TNFSF4: variants seen among roughly 807,000 people sequenced by gnomAD.
TNFSF4 encodes the protein TNF superfamily member 4, also known as tumor necrosis factor ligand superfamily member 4.
A neutral mutation model predicts 7.3 loss-of-function variants in TNFSF4; 4 were observed. The ratio of observed to expected loss-of-function variants is 0.55; its 90% CI spans 0.27 to 1.25. The LOEUF (loss-of-function observed/expected upper bound fraction) is 1.25, where lower values mean the gene tolerates loss of function less well. TNFSF4 is among the 50% of genes most tolerant of loss of function. TNFSF4 has a pLI of 0.12. For missense variants in TNFSF4, 181 were observed against 208.8 expected (o/e 0.87, Z 0.82); for synonymous variants, 76 against 83.7 (o/e 0.91, Z 0.50).
At chr1:173,286,216 C>A in the TNFSF4 span, among the ~76,000 whole-genome samples, 1 of 152,068 alleles carries the variant, frequency 6.6e-6, no homozygotes, top group Non-Finnish European at 1.5e-5. Flanking sequence ...CTTAAGAACC[C>A]AGCTAAGATT....
At chr1:173,381,267 G>A in the TNFSF4 span, among the ~76,000 whole-genome samples, 1 of 152,134 alleles carries the variant, frequency 6.6e-6, no homozygotes, top group Admixed American at 6.5e-5. Flanking sequence ...TGAGAAAGGA[G>A]GACTCTGCAC....
the TNFSF4 span, among the ~76,000 whole-genome samples, chr1:173,241,294 C>A: frequency 3.9e-5 from 6 of 152,328 alleles, no homozygotes; most frequent in South Asian, 1.2e-3. Flanking sequence ...TCTCTGTCCT[C>A]TGCCACATTT....
the TNFSF4 span, among the ~76,000 whole-genome samples, chr1:173,420,028 T>C: frequency 1.3e-5 from 2 of 152,184 alleles, no homozygotes; most frequent in African/African-American, 4.8e-5. Flanking sequence ...TAACGCATGT[T>C]TATTGAGTGA....
chr1:173,409,978 T>TA, the TNFSF4 span, among the ~76,000 whole-genome samples: 2 of 152,162 alleles, frequency 1.3e-5, no homozygotes, highest in Non-Finnish European at 2.9e-5. Flanking sequence ...TTAAATTTTT[T>TA]AAAAAACCAG....
chr1:173,177,372 C>T, the TNFSF4 span, among the ~76,000 whole-genome samples: 2 of 151,880 alleles, frequency 1.3e-5, no homozygotes, highest in African/African-American at 4.8e-5. Context: ...TGTTCTTACT[C>T]ATAAGTGGGA....
At chr1:173,449,661 G>A in the TNFSF4 span, among the ~76,000 whole-genome samples, 1 of 152,032 alleles carries the variant, frequency 6.6e-6, no homozygotes, top group East Asian at 1.9e-4. Flanking sequence ...TTATAACAAT[G>A]CAAGCACGGA....
the TNFSF4 span, among the ~76,000 whole-genome samples, chr1:173,297,981 G>A: frequency 2.8e-4 from 42 of 152,014 alleles, no homozygotes; most frequent in East Asian, 7.4e-3. Context: ...CAAAGGCAAC[G>A]TTTCCGATGC....
At chr1:173,391,374 T>A in the TNFSF4 span, among the ~76,000 whole-genome samples, 2 of 134,310 alleles carry the variant, frequency 1.5e-5, no homozygotes, top group Non-Finnish European at 3.1e-5. Flanking sequence ...TCCAAATGAA[T>A]ATATACAAAT....
At chr1:173,399,705 T>C in the TNFSF4 span, among the ~76,000 whole-genome samples, 1 of 151,578 alleles carries the variant, frequency 6.6e-6, no homozygotes, top group Non-Finnish European at 1.5e-5. Flanking sequence ...ATGGACAGGG[T>C]GACCTATTCT....
the TNFSF4 span, chr1:173,351,741 C>T: frequency 8.0e-5 from 39 of 489,480 alleles, no homozygotes; most frequent in Admixed American, 2.5e-4. Flanking sequence ...TCAGGTTGTA[C>T]GAGTACGAGG....
chr1:173,345,259 G>A, the TNFSF4 span, among the ~76,000 whole-genome samples: 7 of 152,346 alleles, frequency 4.6e-5, no homozygotes, highest in Admixed American at 3.9e-4. Context: ...ACACAGGACA[G>A]ACGAAGAAGT....
chr1:173,248,512 G>A, the TNFSF4 span, among the ~76,000 whole-genome samples: 1 of 148,448 alleles, frequency 6.7e-6, no homozygotes, highest in Non-Finnish European at 1.5e-5. Context: ...AAGAAAGAAA[G>A]AGAAAGAAGG....
At chr1:173,256,398 G>C in the TNFSF4 span, among the ~76,000 whole-genome samples, 1 of 152,076 alleles carries the variant, frequency 6.6e-6, no homozygotes, top group Admixed American at 6.5e-5. Flanking sequence ...ATGGCAGAGA[G>C]ACAGCTCTGG....
At chr1:173,378,885 CA>C in the TNFSF4 span, among the ~76,000 whole-genome samples, 2,411 of 120,872 alleles carry the variant, frequency 0.02, 73 homozygotes, top group African/African-American at 0.059. Flanking sequence ...CCTCCCCCCC[CA>C]CCACAGGCTA....
At chr1:173,236,804 A>C in the TNFSF4 span, among the ~76,000 whole-genome samples, 4 of 152,212 alleles carry the variant, frequency 2.6e-5, no homozygotes, top group Non-Finnish European at 4.4e-5. Context: ...ACAGGAGTAC[A>C]AAATAGAATG....
upstream of TNFSF4, among the ~76,000 whole-genome samples, chr1:173,209,857 A>T (rs1650315186): frequency 6.6e-6 from 1 of 152,170 alleles, no homozygotes; most frequent in African/African-American, 2.4e-5. Context: ...CACCAGAGCA[A>T]ATCAGCCTTA....
At chr1:173,286,713 T>C in the TNFSF4 span, among the ~76,000 whole-genome samples, 1 of 152,060 alleles carries the variant, frequency 6.6e-6, no homozygotes, top group Non-Finnish European at 1.5e-5. Flanking sequence ...GGACATAAAA[T>C]GCACTAACCA....
intron 1 of TNFSF4, among the ~76,000 whole-genome samples, chr1:173,200,706 C>T (rs991114643): frequency 5.3e-5 from 8 of 152,140 alleles, no homozygotes; most frequent in Non-Finnish European, 8.8e-5. Flanking sequence ...GTTTCACTGG[C>T]TTTCTAGGAT....
the TNFSF4 span, among the ~76,000 whole-genome samples, chr1:173,366,581 T>C: frequency 6.4e-4 from 98 of 152,112 alleles, 2 homozygotes; most frequent in East Asian, 0.018. Flanking sequence ...ACAGGGTAAA[T>C]ATAGTAAAAA....
Sources: gnomAD v4.1 joint callset for allele counts (sites outside exome capture counted in the v4.1 genomes callset) on GRCh38, gnomAD v4.1.1 for gene constraint, MANE v1.5 for transcripts, NCBI Gene and HGNC (gene_info 2026-07-23, HGNC 2026-07-21) for gene names.